SULF1: variants seen among roughly 807,000 people sequenced by gnomAD.
The protein encoded by SULF1 is sulfatase 1.
Under a neutral mutation model 110.5 loss-of-function variants are expected in SULF1, and 46 were observed. The ratio of observed to expected loss-of-function variants is 0.42; its 90% CI spans 0.33 to 0.53. SULF1 has a LOEUF of 0.53. SULF1 is among the 20% of genes least tolerant of loss of function. The pLI is 0.12. For missense variants in SULF1, 941 were observed against 1,094.2 expected (o/e 0.86, Z 1.98); for synonymous variants, 371 against 387.1 (o/e 0.96, Z 0.49).
intron 3 of SULF1, among the ~76,000 whole-genome samples, chr8:69,547,569 C>G (rs1400524511): frequency 1.3e-5 from 2 of 152,124 alleles, no homozygotes; most frequent in Non-Finnish European, 2.9e-5. Flanking sequence ...ATTTGAAAAA[C>G]ATGAGCGCTG....
intron 8 of SULF1, among the ~76,000 whole-genome samples, chr8:69,598,122 A>C (rs1468733704): frequency 6.6e-6 from 1 of 151,678 alleles, no homozygotes; most frequent in Non-Finnish European, 1.5e-5. Context: ...AAAAAAAAAA[A>C]AGGGGGGGAC....
chr8:69,569,148 T>C (rs905207131), intron 5 of SULF1, among the ~76,000 whole-genome samples: 1 of 152,086 alleles, frequency 6.6e-6, no homozygotes, highest in African/African-American at 2.4e-5. Context: ...TCCTAGGAAA[T>C]TGACCTGACA....
chr8:69,636,352 C>T (rs1007798647), intron 19 of SULF1, among the ~76,000 whole-genome samples: 5 of 151,984 alleles, frequency 3.3e-5, no homozygotes, highest in Admixed American at 2.0e-4. Flanking sequence ...CTGGCTAACA[C>T]GGTGAAACCC....
chr8:69,522,724 G>A (rs1210257179), intron 3 of SULF1, among the ~76,000 whole-genome samples: 3 of 152,182 alleles, frequency 2.0e-5, no homozygotes, highest in African/African-American at 7.2e-5. Flanking sequence ...AGTTTTGGGT[G>A]CCTTGGAAGC....
chr8:69,478,705 A>G (rs1421438775), intron 1 of SULF1, among the ~76,000 whole-genome samples: 2 of 152,132 alleles, frequency 1.3e-5, no homozygotes, highest in East Asian at 3.9e-4. Flanking sequence ...TTGTCACATA[A>G]TTTTAGCTCT....
At chr8:69,522,055 A>T (rs79224777) in intron 3 of SULF1, among the ~76,000 whole-genome samples, 83 of 144,110 alleles carry the variant, frequency 5.8e-4, no homozygotes, top group African/African-American at 1.9e-3. Flanking sequence ...ATCATGGACG[A>T]TTTTTTTTTT....
intron 3 of SULF1, among the ~76,000 whole-genome samples, chr8:69,542,519 G>C (rs71517249): frequency 1.8e-4 from 28 of 151,620 alleles, no homozygotes; most frequent in African/African-American, 6.0e-4. Context: ...TCACCTCTCC[G>C]AATCTGTTTT....
intron 8 of SULF1, among the ~76,000 whole-genome samples, chr8:69,591,408 AT>A (rs1291180750): frequency 1.3e-5 from 2 of 151,842 alleles, no homozygotes; most frequent in Admixed American, 1.3e-4. Flanking sequence ...CAAAAAAAAA[AT>A]AAAAATTAGC....
chr8:69,556,028 A>G (rs1815091313), intron 3 of SULF1, among the ~76,000 whole-genome samples: 1 of 152,178 alleles, frequency 6.6e-6, no homozygotes. Context: ...GTGTCTAAGA[A>G]TGATTGAACT....
At chr8:69,642,250 C>T (rs1198033908) in intron 22 of SULF1, 6 of 986,866 alleles carry the variant, frequency 6.1e-6, no homozygotes, top group Non-Finnish European at 7.2e-6. Flanking sequence ...GTACCCTGTT[C>T]GGCCCCTCTA....
chr8:69,632,128 G>A (rs1456893565), intron 19 of SULF1, among the ~76,000 whole-genome samples: 1 of 152,172 alleles, frequency 6.6e-6, no homozygotes, highest in African/African-American at 2.4e-5. Context: ...TTGAGTGCCT[G>A]CCACTGGGTG....
chr8:69,539,581 T>C (rs1185183241), intron 3 of SULF1, among the ~76,000 whole-genome samples: 4 of 152,220 alleles, frequency 2.6e-5, no homozygotes, highest in African/African-American at 9.6e-5. Flanking sequence ...ACATCCATTC[T>C]TCTATTCCAA....
At chr8:69,565,865 A>G (rs924847930) in intron 5 of SULF1, among the ~76,000 whole-genome samples, 3 of 151,864 alleles carry the variant, frequency 2.0e-5, no homozygotes, top group Non-Finnish European at 4.4e-5. Flanking sequence ...CCATCTCCCC[A>G]AAGGTGTCTG....
chr8:69,578,042 T>C (rs1805749765), intron 6 of SULF1, among the ~76,000 whole-genome samples: 1 of 151,800 alleles, frequency 6.6e-6, no homozygotes, highest in South Asian at 2.1e-4. Context: ...TGCTGTGGAG[T>C]TGTAGGGAAA....
chr8:69,477,477 T>C (rs1317018725), intron 1 of SULF1, among the ~76,000 whole-genome samples: 1 of 152,244 alleles, frequency 6.6e-6, no homozygotes, highest in Non-Finnish European at 1.5e-5. Flanking sequence ...AACTTCCTCA[T>C]CTGCTTCAGG....
chr8:69,592,239 T>C (rs1806959885), intron 8 of SULF1, among the ~76,000 whole-genome samples: 1 of 152,104 alleles, frequency 6.6e-6, no homozygotes, highest in Non-Finnish European at 1.5e-5. Context: ...TCCTAGAAAC[T>C]GGAGAATGGG....
At chr8:69,561,296 T>TA (rs1815468280) in intron 3 of SULF1, among the ~76,000 whole-genome samples, 1 of 152,088 alleles carries the variant, frequency 6.6e-6, no homozygotes, top group Non-Finnish European at 1.5e-5. Flanking sequence ...AAAAATAAGA[T>TA]ACACTGTGGC....
chr8:69,616,230 A>G (rs7842090), intron 13 of SULF1, among the ~76,000 whole-genome samples: 1 of 139,980 alleles, frequency 7.1e-6, no homozygotes, highest in Non-Finnish European at 1.5e-5. Flanking sequence ...ATATATATAT[A>G]TTTTTTTGAG....
chr8:69,485,826 C>A (rs1273240274), intron 1 of SULF1, among the ~76,000 whole-genome samples: 3 of 152,190 alleles, frequency 2.0e-5, no homozygotes, highest in Non-Finnish European at 2.9e-5. Flanking sequence ...GGATTTGGCA[C>A]ATATTGAATT....
Sources: allele counts gnomAD v4.1 joint callset (sites outside exome capture counted in the v4.1 genomes callset), GRCh38; gene constraint gnomAD v4.1.1; transcripts MANE v1.5; gene names NCBI Gene and HGNC (gene_info 2026-07-23, HGNC 2026-07-21).